Variants in EFCAB6 observed in about 807,000 individuals in gnomAD.
EFCAB6 encodes the protein EF-hand calcium-binding domain-containing protein 6.
Under a neutral mutation model 169.8 loss-of-function variants are expected in EFCAB6, and 156 were observed. That is an observed-to-expected ratio of 0.92 (90% confidence interval 0.81 to 1.05). The LOEUF (loss-of-function observed/expected upper bound fraction) is 1.05, where lower values mean the gene tolerates loss of function less well. EFCAB6 is among the 50% of genes least tolerant of loss of function. The pLI is 0.00. For synonymous variants in EFCAB6, 698 were observed against 676.4 expected (o/e 1.03, Z -0.50); for missense variants, 1,800 against 1,829.1 (o/e 0.98, Z 0.29).
At chr22:43,561,087 A>C (rs543833442) in intron 26 of EFCAB6, among the ~76,000 whole-genome samples, 2 of 152,286 alleles carry the variant, frequency 1.3e-5, no homozygotes, top group South Asian at 4.1e-4. Context: ...GGCTGGGTGC[A>C]GTGGCTCACA....
intron 17 of EFCAB6, among the ~76,000 whole-genome samples, chr22:43,649,291 A>G (rs1423333474): frequency 6.6e-6 from 1 of 152,244 alleles, no homozygotes; most frequent in Non-Finnish European, 1.5e-5. Flanking sequence ...GGCAAATAAT[A>G]ATAATAAATT....
chr22:43,696,274 A>C (rs1274679048), intron 10 of EFCAB6, among the ~76,000 whole-genome samples: 1 of 101,024 alleles, frequency 9.9e-6, no homozygotes, highest in Non-Finnish European at 2.1e-5. Flanking sequence ...ACACCTCTAG[A>C]ATGGCTAAAA....
At chr22:43,755,922 C>A in intron 5 of EFCAB6, 90 bp from the exon 6 acceptor site, 1 of 1,211,786 alleles carries the variant, frequency 8.3e-7, no homozygotes, top group Non-Finnish European at 1.1e-6. Context: ...ACAAGGATTT[C>A]CAAATAATCT....
intron 11 of EFCAB6, among the ~76,000 whole-genome samples, chr22:43,685,823 C>T (rs1337168599): frequency 6.6e-6 from 1 of 152,190 alleles, no homozygotes; most frequent in Non-Finnish European, 1.5e-5. Context: ...ATATCTGTCA[C>T]ACCTATGTGA....
chr22:43,577,611 A>G (rs1602375171), intron 25 of EFCAB6, among the ~76,000 whole-genome samples: 2 of 152,272 alleles, frequency 1.3e-5, no homozygotes, highest in African/African-American at 2.4e-5. Flanking sequence ...AAGTTTTCCT[A>G]AGTTTGCTGG....
chr22:43,760,239 A>G (rs569931912), intron 5 of EFCAB6, among the ~76,000 whole-genome samples: 2 of 151,210 alleles, frequency 1.3e-5, no homozygotes, highest in East Asian at 3.9e-4. Flanking sequence ...AAAAAAAAGA[A>G]AACAAATATA....
chr22:43,549,668 C>T (rs2048271464), intron 27 of EFCAB6, among the ~76,000 whole-genome samples: 1 of 152,158 alleles, frequency 6.6e-6, no homozygotes, highest in Non-Finnish European at 1.5e-5. Flanking sequence ...AGGGGATTAA[C>T]TAAAAATGCC....
chr22:43,710,701 G>A (rs1248130958), intron 10 of EFCAB6, among the ~76,000 whole-genome samples: 1 of 152,160 alleles, frequency 6.6e-6, no homozygotes, highest in Non-Finnish European at 1.5e-5. Context: ...ATGGATCTGA[G>A]TATGATCAAC....
chr22:43,738,670 C>G (rs1462341852), intron 6 of EFCAB6, among the ~76,000 whole-genome samples: 1 of 152,122 alleles, frequency 6.6e-6, no homozygotes, highest in Non-Finnish European at 1.5e-5. Context: ...TACACACCAT[C>G]ACACACACTT....
Position 43,529,111 on chromosome 22 carries a change from G to A in EFCAB6, c.4384-136C>T, listed in dbSNP as rs141011985. 189 of 1,055,464 alleles carry A rather than the reference G, an allele frequency of 1.8e-4. 2 individuals are homozygous for A. The Admixed American group carries it at 2.1e-3, about 12-fold the overall frequency. The allele number at this position is 1,055,464 out of a possible 1,614,324, so 65.4% of individuals were successfully genotyped here. ...TCCGATGTCAGCCTCCCATCTGTGC[G>A]CTCTCTCTATGCCCTCTCAACCTCT... On this transcript the variant is annotated intron_variant, in intron 31 of 31. Coordinates refer to ENST00000262726, the MANE Select transcript of EFCAB6 (RefSeq NM_022785.4).
intron 17 of EFCAB6, among the ~76,000 whole-genome samples, chr22:43,656,603 C>A (rs1329783440): frequency 6.6e-6 from 1 of 152,172 alleles, no homozygotes; most frequent in Non-Finnish European, 1.5e-5. Flanking sequence ...AAATACTTAT[C>A]ATTGCATTAC....
chr22:43,630,730 G>A (rs1055146347), intron 19 of EFCAB6, among the ~76,000 whole-genome samples: 2 of 152,094 alleles, frequency 1.3e-5, no homozygotes, highest in African/African-American at 2.4e-5. Context: ...CACCCAGCTC[G>A]GCTCTCCTTT....
rs191735884 is a variant in EFCAB6, at chr22:43,534,404, C to T, written c.4233+284G>A. On this transcript the variant is annotated intron_variant, in intron 30 of 31. Transcript: ENST00000262726. ...TGAACCTCTTTCTTTTATAAATTAC[C>T]CAGTCTCAGGTAGTATCTTTATAGC... Among the ~76,000 whole-genome samples, 6 of 152,220 alleles carry T rather than the reference C, an allele frequency of 3.9e-5. No homozygotes were observed. In the South Asian group the frequency reaches 1.2e-3, roughly 32 times the overall value.
Position 43,670,589 on chromosome 22 carries a change from C to G in EFCAB6, c.1640+1384G>C, listed in dbSNP as rs547018859. 4.6e-5 allele frequency among the ~76,000 whole-genome samples: 7 copies of G among 152,328 alleles called. No homozygotes were observed. The South Asian group carries it at 1.5e-3, about 32-fold the overall frequency. On this transcript the variant is annotated intron_variant, in intron 15 of 31. Coordinates refer to ENST00000262726, the MANE Select transcript of EFCAB6 (RefSeq NM_022785.4). ...GATCTGCATATAGCTGGGGGCTGAG[C>G]ATGAGCTCTGAAGCCATACTTTGCT... is the stretch of plus-strand genomic sequence containing the variant.
chr22:43,665,732 CT>C (rs1301557347), intron 17 of EFCAB6, among the ~76,000 whole-genome samples: 1 of 152,244 alleles, frequency 6.6e-6, no homozygotes, highest in Non-Finnish European at 1.5e-5. Flanking sequence ...TATCGGCCAC[CT>C]GGTCCCCAAA....
In EFCAB6 at chr22:43,586,340, A is replaced by ATTTTTTTTTTTTTTT. The variant is rs36058832; in HGVS notation, c.3032+3719_3032+3733dup. ...ACTGTAAACTCTTGAGCAACAACTG[A>ATTTTTTTTTTTTTTT]TTTTTTTTTTTTTTTTTTTTTTTTT... On this transcript the variant is annotated intron_variant, in intron 24 of 31. Transcript: ENST00000262726. Among the ~76,000 whole-genome samples the ATTTTTTTTTTTTTTT allele has an allele frequency of 6.4e-3, 465 of 72,894 alleles. 44 individuals are homozygous for ATTTTTTTTTTTTTTT. The highest frequency in any genetic ancestry group is 0.023 in the Middle Eastern group (2 of 86). The allele number at this position is 72,894 out of a possible 152,430, so 47.8% of individuals were successfully genotyped here.
chr22:43,599,374 G>A (rs1172335156), intron 23 of EFCAB6, among the ~76,000 whole-genome samples: 1 of 151,870 alleles, frequency 6.6e-6, no homozygotes, highest in African/African-American at 2.4e-5. Context: ...GCTGGTCGTG[G>A]TGGCGTGTGC....
chr22:43,808,593 C>G (rs1272661361), intron 2 of EFCAB6, among the ~76,000 whole-genome samples: 1 of 152,156 alleles, frequency 6.6e-6, no homozygotes, highest in Non-Finnish European at 1.5e-5. Context: ...TATTTGGTAG[C>G]TGTTATTTTT....
chr22:43,726,119 A>G (rs899516949), intron 8 of EFCAB6, among the ~76,000 whole-genome samples: 1 of 152,190 alleles, frequency 6.6e-6, no homozygotes, highest in Non-Finnish European at 1.5e-5. Flanking sequence ...CATTGGGGAT[A>G]CATAAAATAA....
Sources: gnomAD v4.1 joint callset for allele counts (sites outside exome capture counted in the v4.1 genomes callset) on GRCh38, gnomAD v4.1.1 for gene constraint, MANE v1.5 for transcripts, NCBI Gene and HGNC (gene_info 2026-07-23, HGNC 2026-07-21) for gene names.